NRXN3: variants seen among roughly 807,000 people sequenced by gnomAD.
NRXN3 encodes the protein neurexin 3.
Under a neutral mutation model 137.6 loss-of-function variants are expected in NRXN3, and 32 were observed. That is an observed-to-expected ratio of 0.23 (90% CI 0.18 to 0.31). The LOEUF (loss-of-function observed/expected upper bound fraction) is 0.31. NRXN3 is among the 10% of genes least tolerant of loss of function. NRXN3 has a pLI of 1.00. For synonymous variants in NRXN3, 798 were observed against 784.5 expected (o/e 1.02, Z -0.29); for missense variants, 1,574 against 2,062.5 (o/e 0.76, Z 4.59).
chr14:79,592,994 A>AG (rs1854667772), intron 16 of NRXN3, among the ~76,000 whole-genome samples: 1 of 152,190 alleles, frequency 6.6e-6, no homozygotes, highest in Non-Finnish European at 1.5e-5. Flanking sequence ...CTGGTATTTC[A>AG]AAAGTAAAAA....
intron 15 of NRXN3, among the ~76,000 whole-genome samples, chr14:79,321,978 G>A (rs1386962871): frequency 1.3e-5 from 2 of 151,662 alleles, no homozygotes; most frequent in Non-Finnish European, 2.9e-5. Context: ...GGCTCATCAT[G>A]CCTGTAATCC....
At chr14:79,042,893 T>C (rs985873315) in intron 15 of NRXN3, among the ~76,000 whole-genome samples, 8 of 148,854 alleles carry the variant, frequency 5.4e-5, no homozygotes, top group Admixed American at 2.7e-4. Context: ...GCAAAAGGAT[T>C]TTTTTTTTTT....
At chr14:79,586,082 C>T (rs918990560) in intron 16 of NRXN3, among the ~76,000 whole-genome samples, 2 of 152,222 alleles carry the variant, frequency 1.3e-5, no homozygotes, top group African/African-American at 4.8e-5. Context: ...TTCTTTTCCC[C>T]AGGCCCTGGG....
chr14:79,136,039 C>T (rs1190843737), intron 15 of NRXN3, among the ~76,000 whole-genome samples: 2 of 152,198 alleles, frequency 1.3e-5, no homozygotes, highest in Non-Finnish European at 1.5e-5. Context: ...AGGGTACACT[C>T]ACCAACTGCT....
At chr14:78,203,190 G>A (rs577911241) in intron 1 of NRXN3, among the ~76,000 whole-genome samples, 1 of 152,366 alleles carries the variant, frequency 6.6e-6, no homozygotes, top group East Asian at 1.9e-4. Flanking sequence ...CTGTGCAGAT[G>A]TGAAGTACCA....
chr14:79,805,223 C>CT (rs766316228), intron 20 of NRXN3, 33 bp downstream of exon 20: 3 of 1,568,624 alleles, frequency 1.9e-6, no homozygotes, highest in Non-Finnish European at 2.6e-6. Context: ...TGCTTGCTTT[C>CT]TTTTTTCTTT....
intron 19 of NRXN3, among the ~76,000 whole-genome samples, chr14:79,762,620 T>A (rs2099042463): frequency 6.6e-6 from 1 of 151,710 alleles, no homozygotes; most frequent in South Asian, 2.1e-4. Context: ...TCTGTAAGTC[T>A]TATTTTCTTG....
chr14:79,396,723 A>G (rs181251438), intron 15 of NRXN3, among the ~76,000 whole-genome samples: 1 of 152,310 alleles, frequency 6.6e-6, no homozygotes, highest in Admixed American at 6.5e-5. Flanking sequence ...TTTTTACTTG[A>G]TTAATTTAAT....
intron 4 of NRXN3, among the ~76,000 whole-genome samples, chr14:78,330,327 C>T (rs1663442552): frequency 1.3e-5 from 2 of 152,006 alleles, no homozygotes; most frequent in African/African-American, 4.8e-5. Context: ...TTAAACTCTG[C>T]ACTCCCACCC....
At chr14:78,539,465 C>CT (rs542279380) in intron 4 of NRXN3, among the ~76,000 whole-genome samples, 10 of 151,388 alleles carry the variant, frequency 6.6e-5, no homozygotes, top group African/African-American at 9.7e-5. Flanking sequence ...GTGATATCCC[C>CT]TTTTTTTTAT....
intron 15 of NRXN3, among the ~76,000 whole-genome samples, chr14:79,452,487 T>G (rs1299320187): frequency 6.6e-6 from 1 of 152,186 alleles, no homozygotes; most frequent in African/African-American, 2.4e-5. Context: ...AATGAGTTTT[T>G]ATAGACTCAC....
Position 78,248,302 on chromosome 14 carries a change from G to GCCCC in NRXN3, c.709+4511_709+4514dup, listed in dbSNP as rs1177541167. ...CAGTAGTGACTAGCCACCGCCCCCCGCCCCCCCCCCCCCCACCCGCCACCT... is the reference window on the plus strand; with the variant it reads ...CAGTAGTGACTAGCCACCGCCCCCCGCCCCCCCCCCCCCCCCCCACCCGCCACCT... On this transcript the variant is annotated intron_variant, in intron 2 of 20. Transcript: ENST00000335750. Among the ~76,000 whole-genome samples the GCCCC allele has an allele frequency of 4.0e-4, 9 of 22,550 alleles. No individual in the cohort carries two copies. In the South Asian group the frequency reaches 0.011, roughly 27 times the overall value. 14.8% of individuals were successfully genotyped at this position (22,550 alleles called of 152,430 possible).
intron 4 of NRXN3, among the ~76,000 whole-genome samples, chr14:78,469,964 A>G (rs1045647885): frequency 1.6e-4 from 25 of 152,222 alleles, no homozygotes. Context: ...AATGCCTTAT[A>G]AATATTTGCA....
chr14:79,776,784 C>A (rs1288864160), intron 19 of NRXN3, among the ~76,000 whole-genome samples: 1 of 152,126 alleles, frequency 6.6e-6, no homozygotes, highest in Admixed American at 6.6e-5. Context: ...AATTTTTTTC[C>A]CAATGTACTG....
intron 9 of NRXN3, among the ~76,000 whole-genome samples, chr14:78,809,931 G>A (rs2098900523): frequency 6.6e-6 from 1 of 151,834 alleles, no homozygotes; most frequent in African/African-American, 2.4e-5. Context: ...GCATTTGGTG[G>A]GGGGAATTAT....
At chr14:78,345,436 A>G (rs2082615934) in intron 4 of NRXN3, among the ~76,000 whole-genome samples, 2 of 152,178 alleles carry the variant, frequency 1.3e-5, no homozygotes, top group African/African-American at 4.8e-5. Flanking sequence ...GTGGGATTGG[A>G]TACACTTTGC....
rs1473229194 is a variant in NRXN3, at chr14:79,862,786, G to A, written c.*822G>A. On this transcript the variant is annotated 3_prime_UTR_variant, in exon 21 of 21. Coordinates refer to ENST00000335750, the MANE Select transcript of NRXN3 (RefSeq NM_001330195.2). ...CATGTGACGGATGATAAATTGATTC[G>A]AAAAGCTGGTCCCCCAGGATCTAAT... 2 of 152,514 alleles carry A rather than the reference G, an allele frequency of 1.3e-5. No homozygotes were observed. Among genetic ancestry groups the A allele is most frequent in the South Asian group, 2.1e-4 (1 of 4,826 alleles). The allele number at this position is 152,514 out of a possible 1,614,324, so 9.4% of individuals were successfully genotyped here.
At chr14:78,744,594 T>G (rs1000291088) in intron 8 of NRXN3, 32 of 152,194 alleles carry the variant, frequency 2.1e-4, no homozygotes. Flanking sequence ...AGATGTGGGT[T>G]TTTAGGCTTG....
At chr14:78,609,736 C>T (rs942952991) in intron 4 of NRXN3, among the ~76,000 whole-genome samples, 9 of 152,224 alleles carry the variant, frequency 5.9e-5, no homozygotes, top group African/African-American at 1.9e-4. Flanking sequence ...CAATAAATTA[C>T]CACTTTGCTT....
Sources: allele counts gnomAD v4.1 joint callset (sites outside exome capture counted in the v4.1 genomes callset), GRCh38; gene constraint gnomAD v4.1.1; transcripts MANE v1.5; gene names NCBI Gene and HGNC (gene_info 2026-07-23, HGNC 2026-07-21).